UCK2: variants seen among roughly 807,000 people sequenced by gnomAD.
The protein encoded by UCK2 is cytidine monophosphokinase 2.
UCK2 carries 6 observed loss-of-function variants against 30.8 expected under a neutral mutation model. The observed-to-expected ratio is 0.19, with a 90% CI of 0.11 to 0.38. UCK2 has a LOEUF of 0.38. Among genes scored for constraint, UCK2 ranks in the 10% least tolerant of loss-of-function variants. The pLI is 1.00. For missense variants in UCK2, 210 were observed against 339.8 expected (o/e 0.62, Z 3.00); for synonymous variants, 125 against 133.6 (o/e 0.94, Z 0.45).
intron 1 of UCK2, among the ~76,000 whole-genome samples, chr1:165,861,652 A>AC (rs908190374): frequency 4.4e-5 from 6 of 136,318 alleles, no homozygotes; most frequent in Non-Finnish European, 9.5e-5. Context: ...AAAAAAAACA[A>AC]AAAAAAACAA....
chr1:165,873,099 A>T (rs1194193284), intron 1 of UCK2, among the ~76,000 whole-genome samples: 1 of 152,248 alleles, frequency 6.6e-6, no homozygotes, highest in African/African-American at 2.4e-5. Flanking sequence ...GAACTACCGA[A>T]AAACAAACCA....
In UCK2 at chr1:165,909,965, C is replaced by T. The variant is rs898560968; in HGVS notation, c.*2142C>T. ...TCCCACTGCCTTGGAAGATGGACTCCTCTCATCTCTGAGCCTTTACCTAGC... is the reference window on the plus strand; with the variant it reads ...TCCCACTGCCTTGGAAGATGGACTCTTCTCATCTCTGAGCCTTTACCTAGC... On this transcript the variant is annotated 3_prime_UTR_variant, in exon 7 of 7. Coordinates refer to ENST00000367879, the MANE Select transcript of UCK2 (RefSeq NM_012474.5). 1 of 152,360 alleles carries T rather than the reference C, an allele frequency of 6.6e-6. No individual in the cohort carries two copies. The highest frequency in any genetic ancestry group is 2.4e-5 in the African/African-American group (1 of 41,484). 9.4% of individuals were successfully genotyped at this position (152,360 alleles called of 1,614,324 possible).
chr1:165,894,167 A>G (rs1358335387), intron 3 of UCK2: 1 of 152,230 alleles, frequency 6.6e-6, no homozygotes, highest in Non-Finnish European at 1.5e-5. Flanking sequence ...AAAATCCAAA[A>G]TTCAAAAATT....
Position 165,903,025 on chromosome 1 carries a change from G to A in UCK2, c.500-157G>A, listed in dbSNP as rs149082990. On this transcript the variant is annotated intron_variant, in intron 4 of 6. Coordinates refer to ENST00000367879, the MANE Select transcript of UCK2 (RefSeq NM_012474.5). ...AATGTAACTTGTCTTTTCCGAAGCC[G>A]CTGCTGATCTGCTCTTGGTCAAGCC... 7.4e-4 allele frequency: 388 copies of A among 521,916 alleles called. 5 individuals are homozygous for A. The Admixed American group carries it at 0.011, about 15-fold the overall frequency. The allele number at this position is 521,916 out of a possible 1,614,324, so 32.3% of individuals were successfully genotyped here.
chr1:165,906,416 G>A (rs540881068), intron 6 of UCK2, among the ~76,000 whole-genome samples: 27 of 152,280 alleles, frequency 1.8e-4, no homozygotes, highest in African/African-American at 6.5e-4. Flanking sequence ...ACGAGGTCTT[G>A]CTCTGTCACC....
chr1:165,835,250 A>G (rs1654158009), intron 1 of UCK2, among the ~76,000 whole-genome samples: 2 of 147,568 alleles, frequency 1.4e-5, no homozygotes, highest in Admixed American at 6.7e-5. Context: ...TCTAAAAGAC[A>G]TTTTTGTATT....
chr1:165,840,505 G>A (rs1654301658), intron 1 of UCK2, among the ~76,000 whole-genome samples: 1 of 152,248 alleles, frequency 6.6e-6, no homozygotes, highest in South Asian at 2.1e-4. Flanking sequence ...TGTATCTTTG[G>A]TCAGTCTTGC....
At chr1:165,883,666 C>T (rs544536389) in intron 1 of UCK2, among the ~76,000 whole-genome samples, 7 of 152,240 alleles carry the variant, frequency 4.6e-5, no homozygotes, top group African/African-American at 1.4e-4. Flanking sequence ...TAGCTAGGAG[C>T]TCCTAGTCAG....
intron 1 of UCK2, among the ~76,000 whole-genome samples, chr1:165,866,605 C>T (rs1655053777): frequency 6.6e-6 from 1 of 152,102 alleles, no homozygotes; most frequent in Admixed American, 6.6e-5. Context: ...CAACCGTCAC[C>T]ACCATTTATT....
chr1:165,876,944 C>T (rs1655352407), intron 1 of UCK2, among the ~76,000 whole-genome samples: 1 of 152,192 alleles, frequency 6.6e-6, no homozygotes, highest in African/African-American at 2.4e-5. Context: ...GTTTAGGGCC[C>T]ACCCTAATTC....
chr1:165,859,257 T>TA (rs144681064), intron 1 of UCK2, among the ~76,000 whole-genome samples: 5,322 of 152,180 alleles, frequency 0.035, 315 homozygotes, highest in African/African-American at 0.12. Context: ...CACCATTTGT[T>TA]ACCCCTGAAG....
intron 1 of UCK2, among the ~76,000 whole-genome samples, chr1:165,884,619 T>C (rs1655575976): frequency 6.6e-6 from 1 of 152,210 alleles, no homozygotes; most frequent in South Asian, 2.1e-4. Context: ...CTTGTTTTCT[T>C]TTATTTATTC....
intron 3 of UCK2, 122 bp downstream of exon 3, chr1:165,891,444 C>A: frequency 2.4e-6 from 2 of 837,154 alleles, no homozygotes; most frequent in Non-Finnish European, 1.9e-6. Flanking sequence ...CTGCCTAATG[C>A]CATTCCAGCT....
intron 2 of UCK2, 40 bp downstream of exon 2, chr1:165,890,403 G>GTGT (rs71583457): frequency 0.16 from 256,785 of 1,589,018 alleles, 23,755 homozygotes; most frequent in Non-Finnish European, 0.19. Flanking sequence ...CTGTATTGGT[G>GTGT]TGTTGGGGGG....
intron 1 of UCK2, among the ~76,000 whole-genome samples, chr1:165,842,857 C>T (rs1313132423): frequency 6.6e-6 from 1 of 152,202 alleles, no homozygotes; most frequent in East Asian, 1.9e-4. Flanking sequence ...TCCTGTCACT[C>T]CCTCTTTGCC....
intron 1 of UCK2, among the ~76,000 whole-genome samples, chr1:165,845,889 A>G (rs1654434478): frequency 6.6e-6 from 1 of 152,122 alleles, no homozygotes; most frequent in South Asian, 2.1e-4. Flanking sequence ...GCTGATATCT[A>G]ACTCTGTACT....
chr1:165,888,642 C>CTTTTTTTTTTTTTT (rs60874109), intron 1 of UCK2, among the ~76,000 whole-genome samples: 7 of 71,020 alleles, frequency 9.9e-5, no homozygotes, highest in Non-Finnish European at 1.5e-4. Context: ...CTTTCTTCTT[C>CTTTTTTTTTTTTTT]TTTTTTTTTT....
Position 165,896,217 on chromosome 1 carries a change from C to G in UCK2, c.384C>G (p.Pro128=), listed in dbSNP as rs761213876. The part of the protein sequence containing the change: ...SRKEETVTVY[P]ADVVLFEGIL... ...AGGAGGAGACAGTTACTGTCTATCCCGCAGACGTGGTGCTCTTTGAAGGGA... is the reference window on the plus strand; with the variant it reads ...AGGAGGAGACAGTTACTGTCTATCCGGCAGACGTGGTGCTCTTTGAAGGGA... The change falls in exon 4 of 7, where the codon CCC becomes CCG. Residue 128 remains proline (P), a synonymous_variant. Transcript: ENST00000367879. 6.2e-7 allele frequency: 1 copy of G among 1,614,164 alleles called. No homozygotes were observed. Among genetic ancestry groups the G allele is most frequent in the Non-Finnish European group, 8.5e-7 (1 of 1,180,024 alleles).
At chr1:165,903,332 G>A in intron 5 of UCK2, 53 bp downstream of exon 5, 2 of 1,541,580 alleles carry the variant, frequency 1.3e-6, no homozygotes, top group Non-Finnish European at 1.8e-6. Context: ...AAAATTTGAT[G>A]ATATAAACGA....
Sources: gnomAD v4.1 joint callset for allele counts (sites outside exome capture counted in the v4.1 genomes callset) on GRCh38, gnomAD v4.1.1 for gene constraint, MANE v1.5 for transcripts, NCBI Gene and HGNC (gene_info 2026-07-23, HGNC 2026-07-21) for gene names.